Variants in ZNF438 observed in about 807,000 individuals in gnomAD.
The protein encoded by ZNF438 is zinc finger protein 438.
A neutral mutation model predicts 38.0 loss-of-function variants in ZNF438; 25 were observed. The ratio of observed to expected loss-of-function variants is 0.66; its 90% confidence interval spans 0.48 to 0.92. ZNF438 has a LOEUF of 0.92. ZNF438 is among the 40% of genes least tolerant of loss of function. ZNF438 has a pLI of 0.00. For synonymous variants in ZNF438, 372 were observed against 364.1 expected, an observed-to-expected ratio of 1.02 and a Z score of -0.25; for missense variants, 1,007 against 999.6, an observed-to-expected ratio of 1.01 and a Z score of -0.10.
intron 1 of ZNF438, among the ~76,000 whole-genome samples, chr10:30,966,480 C>A (rs1392737821): frequency 6.6e-6 from 1 of 151,942 alleles, no homozygotes; most frequent in Non-Finnish European, 1.5e-5. Flanking sequence ...ACCATCCTGG[C>A]TAACACGGTG....
At chr10:30,871,884 G>A (rs7920736) in intron 4 of ZNF438, among the ~76,000 whole-genome samples, 68,181 of 151,986 alleles carry the variant, frequency 0.45, 15,821 homozygotes, top group African/African-American at 0.56. Flanking sequence ...GGGGCCGCCT[G>A]TGTGTCTGCG....
chr10:30,877,383 A>T (rs533367160), intron 3 of ZNF438, among the ~76,000 whole-genome samples: 2 of 152,346 alleles, frequency 1.3e-5, no homozygotes, highest in Non-Finnish European at 2.9e-5. Flanking sequence ...ACTCTCTGAT[A>T]ATTGCTTCAT....
At chr10:30,912,102 C>T (rs963410963) in intron 2 of ZNF438, among the ~76,000 whole-genome samples, 2 of 152,140 alleles carry the variant, frequency 1.3e-5, no homozygotes, top group Non-Finnish European at 2.9e-5. Context: ...TTTGGCCCCA[C>T]ATCTCCCTCC....
chr10:30,905,315 C>T (rs762397015), intron 3 of ZNF438, among the ~76,000 whole-genome samples: 4 of 152,230 alleles, frequency 2.6e-5, no homozygotes, highest in African/African-American at 9.6e-5. Context: ...AGCCATCCCA[C>T]GAGGCATGAA....
chr10:30,947,548 T>C (rs997654809), intron 1 of ZNF438, among the ~76,000 whole-genome samples: 6 of 152,272 alleles, frequency 3.9e-5, no homozygotes, highest in Non-Finnish European at 4.4e-5. Flanking sequence ...TGTGGTGGGC[T>C]CCGCCCAGTT....
At chr10:30,899,793 C>T (rs2041777011) in intron 3 of ZNF438, among the ~76,000 whole-genome samples, 1 of 152,102 alleles carries the variant, frequency 6.6e-6, no homozygotes, top group African/African-American at 2.4e-5. Context: ...TTAATTAACT[C>T]TACTCCTGAA....
At chr10:31,013,143 C>T (rs1260981379) in intron 1 of ZNF438, among the ~76,000 whole-genome samples, 1 of 152,076 alleles carries the variant, frequency 6.6e-6, no homozygotes, top group African/African-American at 2.4e-5. Context: ...AACGGCGAAA[C>T]CCCGTGTCTA....
chr10:30,931,014 G>A (rs527837283), intron 2 of ZNF438, among the ~76,000 whole-genome samples: 22 of 152,168 alleles, frequency 1.4e-4, no homozygotes, highest in Non-Finnish European at 3.1e-4. Context: ...CAGTCACTGG[G>A]CTATGCCCCT....
chr10:31,020,804 A>G (rs1197703534), intron 1 of ZNF438, among the ~76,000 whole-genome samples: 1 of 151,440 alleles, frequency 6.6e-6, no homozygotes, highest in African/African-American at 2.4e-5. Context: ...TATATTAACT[A>G]TAGTATTAAT....
intron 1 of ZNF438, among the ~76,000 whole-genome samples, chr10:31,015,120 G>A (rs562711799): frequency 6.6e-6 from 1 of 152,168 alleles, no homozygotes; most frequent in East Asian, 1.9e-4. Context: ...AAAGCACGTC[G>A]GCTTCCGAAA....
chr10:31,013,143 C>A (rs1260981379), intron 1 of ZNF438, among the ~76,000 whole-genome samples: 1 of 152,076 alleles, frequency 6.6e-6, no homozygotes, highest in Non-Finnish European at 1.5e-5. Flanking sequence ...AACGGCGAAA[C>A]CCCGTGTCTA....
intron 1 of ZNF438, among the ~76,000 whole-genome samples, chr10:31,029,497 T>C (rs532136853): frequency 6.6e-6 from 1 of 152,214 alleles, no homozygotes; most frequent in African/African-American, 2.4e-5. Flanking sequence ...CCACATCAGC[T>C]CGTTTCCCGT....
chr10:31,032,400 A>G (rs1007030420), upstream of ZNF438, among the ~76,000 whole-genome samples: 4 of 149,346 alleles, frequency 2.7e-5, no homozygotes, highest in Non-Finnish European at 6.0e-5. Flanking sequence ...GGCTCCCGCT[A>G]GACTCCGCCC....
At chr10:30,974,071 T>G (rs2051051591) in intron 1 of ZNF438, among the ~76,000 whole-genome samples, 1 of 152,210 alleles carries the variant, frequency 6.6e-6, no homozygotes, top group Non-Finnish European at 1.5e-5. Flanking sequence ...ACAACAGGCC[T>G]ACCTCCCAGT....
chr10:30,961,377 C>T, intron 1 of ZNF438, among the ~76,000 whole-genome samples: 1 of 146,320 alleles, frequency 6.8e-6, no homozygotes, highest in Non-Finnish European at 1.6e-5. Context: ...CGCACTATAG[C>T]CATGAACTCC....
At chr10:30,933,432 A>G (rs1488952955) in intron 2 of ZNF438, among the ~76,000 whole-genome samples, 1 of 152,200 alleles carries the variant, frequency 6.6e-6, no homozygotes, top group Non-Finnish European at 1.5e-5. Context: ...AGTCAAAATA[A>G]TACTTGTTAA....
chr10:30,898,248 C>T (rs1457847126), intron 3 of ZNF438, among the ~76,000 whole-genome samples: 1 of 152,104 alleles, frequency 6.6e-6, no homozygotes, highest in Non-Finnish European at 1.5e-5. Flanking sequence ...CAGAATACAA[C>T]TTAAAACAGC....
intron 3 of ZNF438, among the ~76,000 whole-genome samples, chr10:30,899,654 AC>A (rs1042509834): frequency 6.7e-6 from 1 of 148,250 alleles, no homozygotes; most frequent in South Asian, 2.2e-4. Context: ...CCTCCTCCCC[AC>A]CCCCCCACAC....
chr10:31,028,756 T>C (rs943637291), intron 1 of ZNF438, among the ~76,000 whole-genome samples: 2 of 152,218 alleles, frequency 1.3e-5, no homozygotes, highest in Admixed American at 6.5e-5. Context: ...ATGCCCATTA[T>C]ATAAAGTCAT....
Sources: allele counts gnomAD v4.1 joint callset (sites outside exome capture counted in the v4.1 genomes callset), GRCh38; gene constraint gnomAD v4.1.1; transcripts MANE v1.5; gene names NCBI Gene and HGNC (gene_info 2026-07-23, HGNC 2026-07-21).